Variants in PRKG1 observed in about 807,000 individuals in gnomAD.
PRKG1 encodes the protein cGMP-dependent protein kinase 1.
Under a neutral mutation model 88.1 loss-of-function variants are expected in PRKG1, and 35 were observed. The observed-to-expected ratio is 0.40, with a 90% CI of 0.30 to 0.53. The LOEUF is 0.53. PRKG1 is among the 20% of genes least tolerant of loss of function. The pLI is 0.59. For missense variants in PRKG1, 540 were observed against 839.8 expected, an observed-to-expected ratio of 0.64 and a Z score of 4.41; for synonymous variants, 303 against 292.5, an observed-to-expected ratio of 1.04 and a Z score of -0.37.
chr10:51,815,050 G>A (rs2132630730), intron 4 of PRKG1, among the ~76,000 whole-genome samples: 1 of 152,228 alleles, frequency 6.6e-6, no homozygotes, highest in South Asian at 2.1e-4. Flanking sequence ...CATTGTGCTG[G>A]CCTCTCCCTG....
chr10:52,019,429 C>T (rs185810918), intron 5 of PRKG1, among the ~76,000 whole-genome samples: 102 of 152,242 alleles, frequency 6.7e-4, no homozygotes, highest in African/African-American at 2.2e-3. Flanking sequence ...AAACTGGTTA[C>T]AGGCTGGAGG....
chr10:51,042,645 G>A (rs1359446636), intron 1 of PRKG1, among the ~76,000 whole-genome samples: 1 of 152,246 alleles, frequency 6.6e-6, no homozygotes, highest in African/African-American at 2.4e-5. Flanking sequence ...GAAGAAAGGA[G>A]GCTTTGAGAG....
At chr10:51,389,456 C>A (rs1837340971) in intron 2 of PRKG1, among the ~76,000 whole-genome samples, 1 of 152,128 alleles carries the variant, frequency 6.6e-6, no homozygotes, top group Admixed American at 6.6e-5. Flanking sequence ...AACTAAATTT[C>A]ATCTCTATTG....
intron 1 of PRKG1, among the ~76,000 whole-genome samples, chr10:51,087,766 CTGTTT>C (rs1844291780): frequency 6.6e-6 from 1 of 151,944 alleles, no homozygotes; most frequent in Non-Finnish European, 1.5e-5. Flanking sequence ...TTTTGGTTTG[CTGTTT>C]TGTTTTGTTT....
chr10:51,378,936 C>T (rs1842867718), intron 2 of PRKG1, among the ~76,000 whole-genome samples: 1 of 152,052 alleles, frequency 6.6e-6, no homozygotes, highest in African/African-American at 2.4e-5. Context: ...TAAATGTAAG[C>T]CACAGTTTTT....
chr10:51,045,361 G>A (rs373964549), intron 1 of PRKG1, among the ~76,000 whole-genome samples: 10 of 150,050 alleles, frequency 6.7e-5, no homozygotes, highest in African/African-American at 1.7e-4. Context: ...TCCCTCTGTC[G>A]CCCAGGCTGG....
At chr10:51,476,432 T>C (rs946896741) in intron 3 of PRKG1, among the ~76,000 whole-genome samples, 1 of 152,090 alleles carries the variant, frequency 6.6e-6, no homozygotes, top group Non-Finnish European at 1.5e-5. Context: ...ACTGCTTGTT[T>C]TCTCTAAAGG....
chr10:51,634,777 C>G (rs1839614592), intron 3 of PRKG1, among the ~76,000 whole-genome samples: 3 of 152,042 alleles, frequency 2.0e-5, no homozygotes, highest in Admixed American at 2.0e-4. Flanking sequence ...AGATTCTATC[C>G]TTTGCAGCAA....
chr10:51,407,334 A>G (rs995767877), intron 2 of PRKG1, among the ~76,000 whole-genome samples: 5 of 152,178 alleles, frequency 3.3e-5, no homozygotes, highest in African/African-American at 9.7e-5. Flanking sequence ...TAAAACAACT[A>G]TCTTTTGTAC....
intron 2 of PRKG1, among the ~76,000 whole-genome samples, chr10:51,304,884 G>A (rs1004666699): frequency 4.6e-5 from 7 of 152,020 alleles, no homozygotes; most frequent in Non-Finnish European, 7.4e-5. Flanking sequence ...GAAGAAATGG[G>A]GGACCAGAAG....
chr10:52,109,948 G>A (rs138293244), intron 7 of PRKG1, among the ~76,000 whole-genome samples: 11 of 151,730 alleles, frequency 7.2e-5, no homozygotes. Context: ...CTCAATTCCC[G>A]AGCTGTGAGC....
At chr10:51,960,578 AC>A (rs1364108686) in intron 5 of PRKG1, among the ~76,000 whole-genome samples, 2 of 150,694 alleles carry the variant, frequency 1.3e-5, no homozygotes, top group African/African-American at 4.9e-5. Context: ...CTATATCGTT[AC>A]CCACAGTGCC....
chr10:51,378,766 C>G (rs1008064638), intron 2 of PRKG1, among the ~76,000 whole-genome samples: 2 of 151,064 alleles, frequency 1.3e-5, no homozygotes, highest in South Asian at 4.2e-4. Flanking sequence ...ATTTTCTCAT[C>G]TGAAAAAAAA....
At chr10:51,104,178 A>G (rs1844758952) in intron 1 of PRKG1, among the ~76,000 whole-genome samples, 1 of 152,180 alleles carries the variant, frequency 6.6e-6, no homozygotes, top group African/African-American at 2.4e-5. Context: ...AACAGAAAAC[A>G]AACAGTAGCA....
chr10:51,348,330 C>T (rs1308773529), intron 2 of PRKG1, among the ~76,000 whole-genome samples: 1 of 151,994 alleles, frequency 6.6e-6, no homozygotes, highest in Non-Finnish European at 1.5e-5. Context: ...CTCTGTTAGC[C>T]CGTCAGTGGA....
At chr10:51,946,394 C>G in intron 5 of PRKG1, among the ~76,000 whole-genome samples, 1 of 151,950 alleles carries the variant, frequency 6.6e-6, no homozygotes, top group East Asian at 1.9e-4. Context: ...GCTTCTTTGC[C>G]TTTGGTTTGA....
intron 4 of PRKG1, among the ~76,000 whole-genome samples, chr10:51,837,413 G>T (rs1198705901): frequency 1.3e-5 from 2 of 152,072 alleles, no homozygotes; most frequent in Admixed American, 6.6e-5. Flanking sequence ...TTTATGTTCT[G>T]AAACTGTTTA....
intron 3 of PRKG1, among the ~76,000 whole-genome samples, chr10:51,635,177 A>G (rs889581762): frequency 2.6e-5 from 4 of 152,004 alleles, no homozygotes; most frequent in African/African-American, 9.7e-5. Flanking sequence ...TGTGCAGAGA[A>G]TATTGCACCT....
At chr10:51,387,606 T>C (rs1174948991) in intron 2 of PRKG1, among the ~76,000 whole-genome samples, 7 of 152,148 alleles carry the variant, frequency 4.6e-5, no homozygotes, top group East Asian at 1.9e-4. Flanking sequence ...GGTACCTGAA[T>C]TGATATTGAA....
Sources: gnomAD v4.1 joint callset for allele counts (sites outside exome capture counted in the v4.1 genomes callset) on GRCh38, gnomAD v4.1.1 for gene constraint, MANE v1.5 for transcripts, NCBI Gene and HGNC (gene_info 2026-07-23, HGNC 2026-07-21) for gene names.